The following QRICH2 variants were observed in gnomAD, a reference collection of about 807,000 sequenced individuals.
QRICH2 encodes glutamine rich 2.
In QRICH2, 119 loss-of-function variants were observed where a neutral mutation model predicts 168.3. The ratio of observed to expected loss-of-function variants is 0.71; its 90% CI spans 0.61 to 0.82. The LOEUF is 0.82. Among genes scored for constraint, QRICH2 ranks in the 40% least tolerant of loss-of-function variants. QRICH2 has a pLI of 0.00. For missense variants in QRICH2, 2,241 were observed against 2,491.6 expected (o/e 0.90, Z 2.14); for synonymous variants, 894 against 951.2 (o/e 0.94, Z 1.11).
intron 3 of QRICH2, among the ~76,000 whole-genome samples, chr17:76,295,073 C>CAAACAAATAAATAAAT (rs1555675460): frequency 2.3e-4 from 33 of 143,202 alleles, no homozygotes; most frequent in African/African-American, 7.4e-4. Context: ...CTACTAAAAA[C>CAAACAAATAAATAAAT]AAATAAATAA....
Position 76,293,167 on chromosome 17 carries a change from G to A in QRICH2, c.1560C>T (p.Val520=), listed in dbSNP as rs779128124. The A allele has an allele frequency of 5.0e-6, 8 of 1,614,190 alleles. No homozygotes were observed. In the East Asian group the frequency reaches 6.7e-5, roughly 13 times the overall value. Reference sequence around the variant, plus strand: ...AAGGTAGAACCAGGCCATGTTGATCGACGACAGGCAATGTCAATCCTTGCT... The same window carrying A: ...AAGGTAGAACCAGGCCATGTTGATCAACGACAGGCAATGTCAATCCTTGCT... ...IDQQGLTLPV[V]DQHGLVLPFT... is the part of the protein sequence containing the mutation. Residue 520 remains valine (V), a synonymous_variant, in exon 4 of 19, where the codon GTC becomes GTT. Transcript: ENST00000680821.
Position 76,293,777 on chromosome 17 carries a change from C to T in QRICH2, c.950G>A (p.Arg317Lys). ...PSGTGRQQQP[R>K]ARDEAGVPRL... ...TGGCACGCCAGCTTCATCACGGGCCCTCGGCTGCTGCTGTCTCCCAGTACC... is the reference window on the plus strand; with the variant it reads ...TGGCACGCCAGCTTCATCACGGGCCTTCGGCTGCTGCTGTCTCCCAGTACC... The change falls in exon 4 of 19, where the codon AGG (arginine) becomes AAG (lysine). Residue 317 changes from arginine to lysine, a missense_variant. Arg to Lys is a conservative substitution (Grantham distance 26). Around this residue, in one of 3 missense-constraint regions of QRICH2, gnomAD observed 2,047 missense variants for 2,303.8 expected, o/e 0.89. Coordinates refer to ENST00000680821, the MANE Select transcript of QRICH2 (RefSeq NM_001388453.1). The T allele has an allele frequency of 1.2e-6, 2 of 1,614,102 alleles. No individual in the cohort carries two copies. Among genetic ancestry groups the T allele is most frequent in the Admixed American group, 1.7e-5 (1 of 60,008 alleles).
chr17:76,274,170 G>T lies in QRICH2; in HGVS notation c.5573C>A (p.Ala1858Glu). Residue 1858 changes from alanine (A) to glutamate (E), a missense_variant, in exon 19 of 19, where the codon GCA becomes GAA. Around this residue, in one of 3 missense-constraint regions of QRICH2, gnomAD observed 189 missense variants for 169.3 expected, o/e 1.12. Transcript: ENST00000680821. ...TAHPPSSAAV[A>E]NRGLERHVDM... ...CACGTGCCTCTCCAGCCCCCTGTTT[G>T]CCACCGCGGCGGAGCTGGGCGGGTG... The T allele has an allele frequency of 6.3e-7, 1 of 1,583,516 alleles. No homozygotes were observed. Among genetic ancestry groups the T allele is most frequent in the South Asian group, 1.2e-5 (1 of 86,682 alleles).
At chr17:76,278,687 C>T (rs907087262) in intron 14 of QRICH2, among the ~76,000 whole-genome samples, 2 of 152,222 alleles carry the variant, frequency 1.3e-5, no homozygotes, top group Admixed American at 6.5e-5. Flanking sequence ...CTCCCCCCAC[C>T]GCTCTAATCC....
chr17:76,306,304 G>A (rs1286415850), intron 1 of QRICH2, among the ~76,000 whole-genome samples: 1 of 152,102 alleles, frequency 6.6e-6, no homozygotes, highest in African/African-American at 2.4e-5. Context: ...TCGAGACCTG[G>A]GGTGATATGG....
chr17:76,274,408 G>A, intron 18 of QRICH2, 148 bp from the exon 19 acceptor site: 9 of 304,624 alleles, frequency 3.0e-5, no homozygotes, highest in Non-Finnish European at 4.3e-5. Context: ...CCGGGGCCGG[G>A]GGGCACGGCG....
chr17:76,280,266 C>T lies in QRICH2; in HGVS notation c.4626+21G>A, dbSNP rs568220066. The T allele has an allele frequency of 6.2e-7, 1 of 1,612,762 alleles. No individual in the cohort carries two copies. The highest frequency in any genetic ancestry group is 1.3e-5 in the African/African-American group (1 of 75,036). On this transcript the variant is annotated intron_variant, in intron 11 of 18. Transcript: ENST00000680821. The surrounding 1 kb of genome is among the most constrained non-coding windows in gnomAD (Gnocchi z 7.4). ...GGGGCAAGGCTGTGGGATGGAGAGC[C>T]CCGCCATGCCCCTGCCTCACCTTGT...
chr17:76,277,945 T>C (rs779610816), intron 15 of QRICH2, 44 bp downstream of exon 15: 4 of 1,592,426 alleles, frequency 2.5e-6, no homozygotes, highest in East Asian at 2.2e-5. Context: ...CCAAGCCTGG[T>C]CACTGGGTGC....
At chr17:76,297,881 T>C (rs1015207752) in intron 3 of QRICH2, among the ~76,000 whole-genome samples, 1 of 139,302 alleles carries the variant, frequency 7.2e-6, no homozygotes, top group African/African-American at 2.7e-5. Context: ...TTTTTTTTTT[T>C]TTTTTTTTTT....
At position 76,274,212 on chromosome 17, in the gene QRICH2, G is replaced by A. The variant is rs1385647168; in HGVS notation, c.5531C>T (p.Ser1844Phe). The A allele has an allele frequency of 6.3e-7, 1 of 1,599,564 alleles. No individual in the cohort carries two copies. Among genetic ancestry groups the A allele is most frequent in the Non-Finnish European group, 8.5e-7 (1 of 1,175,224 alleles). Residue 1844 changes from serine (S) to phenylalanine (F), a missense_variant, in exon 19 of 19, where the codon TCC (serine) becomes TTC (phenylalanine). Ser to Phe is a radical substitution (Grantham distance 155). Coordinates refer to ENST00000680821, the MANE Select transcript of QRICH2 (RefSeq NM_001388453.1). Reference protein sequence around the residue: ...KDRPSSEGRLSQPNTAHPPSS... With the variant: ...KDRPSSEGRLFQPNTAHPPSS... The stretch of plus-strand genomic sequence containing the variant: ...GGGCGGGTGGGCTGTGTTCGGCTGG[G>A]AGAGACGGCCCTCGGAGGAAGGTCT...
In QRICH2 at chr17:76,308,094, A is replaced by AGGTCCTCGGGGCGCCCCTGCCC. The variant is rs1360836886; in HGVS notation, c.-118_-97dup. 1.6e-6 allele frequency: 2 copies of AGGTCCTCGGGGCGCCCCTGCCC among 1,223,872 alleles called. No individual in the cohort carries two copies. The highest frequency in any genetic ancestry group is 6.4e-5 in the East Asian group (2 of 31,018). The allele number at this position is 1,223,872 out of a possible 1,614,324, so 75.8% of individuals were successfully genotyped here. A position where few individuals can be genotyped will look rare whatever the true frequency, so the allele number is the denominator to read the frequency against. On this transcript the variant is annotated 5_prime_UTR_variant, in exon 1 of 19. Transcript: ENST00000680821. ...CTTGGGGCCTTTCGGGGGCCCTGCGAGGTCCTCGGGGCGCCCCTGCCCCGG... is the reference window on the plus strand; with the variant it reads ...CTTGGGGCCTTTCGGGGGCCCTGCGAGGTCCTCGGGGCGCCCCTGCCCGGTCCTCGGGGCGCCCCTGCCCCGG...
Position 76,307,991 on chromosome 17 carries a change from G to A in QRICH2, c.8C>T (p.Pro3Leu). Reference protein sequence around the residue: MPPATTVSLRELA... With the variant: MPLATTVSLRELA... ...CTCCCGGAGGGAGACCGTGGTCGCG[G>A]GCGGCATCGTGGCTGTCAGGAGCTG... Residue 3 changes from proline to leucine, a missense_variant, in exon 1 of 19, where the codon CCC becomes CTC. By Grantham distance (98) the Pro-to-Leu change is moderately conservative. Around this residue, in one of 3 missense-constraint regions of QRICH2, gnomAD observed 2,047 missense variants for 2,303.8 expected, o/e 0.89. Transcript: ENST00000680821. The surrounding 1 kb of genome is among the most constrained non-coding windows in gnomAD (Gnocchi z 5.3). 8.1e-7 allele frequency: 1 copy of A among 1,233,120 alleles called. No homozygotes were observed. The highest frequency in any genetic ancestry group is 1.0e-6 in the Non-Finnish European group (1 of 988,444). 76.4% of individuals were successfully genotyped at this position (1,233,120 alleles called of 1,614,324 possible). A position where few individuals can be genotyped will look rare whatever the true frequency, so the allele number is the denominator to read the frequency against.
chr17:76,301,557 A>C (rs1220779885), intron 3 of QRICH2: 1 of 159,164 alleles, frequency 6.3e-6, no homozygotes, highest in African/African-American at 2.4e-5. Flanking sequence ...GACGACAGAG[A>C]CTCTGTCTCA....
intron 7 of QRICH2, among the ~76,000 whole-genome samples, chr17:76,285,459 G>A (rs1245195067): frequency 6.6e-6 from 1 of 151,520 alleles, no homozygotes; most frequent in African/African-American, 2.4e-5. Flanking sequence ...GTAGAGATGG[G>A]GTTTCATCAT....
intron 1 of QRICH2, 127 bp from the exon 2 acceptor site, chr17:76,305,068 C>T: frequency 1.4e-6 from 1 of 728,296 alleles, no homozygotes; most frequent in Non-Finnish European, 2.5e-6. Flanking sequence ...CGCACATTCA[C>T]ACACTGACTC....
chr17:76,286,552 A>G (rs2070887935), intron 7 of QRICH2, among the ~76,000 whole-genome samples: 1 of 152,198 alleles, frequency 6.6e-6, no homozygotes, highest in Non-Finnish European at 1.5e-5. Context: ...GGGTGATTAA[A>G]TGTTTTGGAA....
intron 1 of QRICH2, among the ~76,000 whole-genome samples, chr17:76,306,658 G>T (rs1302756456): frequency 6.6e-6 from 1 of 152,092 alleles, no homozygotes; most frequent in Non-Finnish European, 1.5e-5. Flanking sequence ...AGGCCGAGGC[G>T]GGCAGATCAC....
rs768283600 is a variant in QRICH2, at chr17:76,280,316, C to A, written c.4597G>T (p.Asp1533Tyr). The A allele has an allele frequency of 6.2e-7, 1 of 1,614,190 alleles. No homozygotes were observed. Among genetic ancestry groups the A allele is most frequent in the Admixed American group, 1.7e-5 (1 of 60,022 alleles). Residue 1533 changes from aspartate (D) to tyrosine (Y), a missense_variant, in exon 11 of 19, where the codon GAC (aspartate) becomes TAC (tyrosine). Asp to Tyr is a radical substitution (Grantham distance 160). Around this residue, in one of 3 missense-constraint regions of QRICH2, gnomAD observed 2,047 missense variants for 2,303.8 expected, o/e 0.89. Coordinates refer to ENST00000680821, the MANE Select transcript of QRICH2 (RefSeq NM_001388453.1). The surrounding 1 kb of genome is among the most constrained non-coding windows in gnomAD (Gnocchi z 7.4). ...TTGTCCATCTCTGTGAGCAGCCTGT[C>A]CAGCATCTTCTGCCAGTCCTGCTCC... ...GQEQDWQKML[D>Y]RLLTEMDNKL...
chr17:76,275,820 T>A lies in QRICH2; in HGVS notation c.5481A>T (p.Ser1827=). The change falls in exon 18 of 19, where the codon TCA becomes TCT. Residue 1827 remains serine (S), a splice_region_variant and synonymous_variant. Transcript: ENST00000680821. The stretch of plus-strand genomic sequence containing the variant: ...ACGCCCCACCCAGAGGGAAGCTACC[T>A]GAGGTGTTGCCAGCCGAAATCTGGG... ...QSAQISAGNT[S]VSSRQQKDRP... 1 of 1,605,380 alleles carries A rather than the reference T, an allele frequency of 6.2e-7. No individual in the cohort carries two copies. The highest frequency in any genetic ancestry group is 8.5e-7 in the Non-Finnish European group (1 of 1,179,652).
Sources: gnomAD v4.1 joint callset for allele counts (sites outside exome capture counted in the v4.1 genomes callset) on GRCh38, gnomAD v4.1.1 for gene constraint, gnomAD v4.1.1 regional missense constraint, Gnocchi (gnomAD v3.1) non-coding constraint, MANE v1.5 for transcripts, NCBI Gene and HGNC (gene_info 2026-07-23, HGNC 2026-07-21) for gene names.